Variants in PRKRIP1 observed in about 807,000 individuals in gnomAD.
PRKRIP1 encodes PRKR-interacting protein 1.
PRKRIP1 carries 29 observed loss-of-function variants against 29.3 expected under a neutral mutation model. The observed-to-expected ratio is 0.99, with a 90% CI of 0.74 to 1.35. The LOEUF is 1.35. Ranked by LOEUF, PRKRIP1 falls within the 40% of genes most tolerant of loss-of-function variation. The probability of loss-of-function intolerance (pLI) is 0.00; values close to 1 mark genes in which losing one functional copy is unlikely to be tolerated. For synonymous variants in PRKRIP1, 90 were observed against 85.1 expected (o/e 1.06, Z -0.32); for missense variants, 247 against 236.8 (o/e 1.04, Z -0.28).
At chr7:102,403,419 C>G (rs1554571424) in intron 3 of PRKRIP1, among the ~76,000 whole-genome samples, 2 of 152,174 alleles carry the variant, frequency 1.3e-5, no homozygotes, top group African/African-American at 2.4e-5. Flanking sequence ...TTATTTTTTG[C>G]TCCATTGACC....
At position 102,396,391 on chromosome 7, in the gene PRKRIP1, T is replaced by C. The variant is rs1795894958; in HGVS notation, c.-21T>C. The C allele has an allele frequency of 2.6e-6, 4 of 1,529,614 alleles. No individual in the cohort carries two copies. The highest frequency in any genetic ancestry group is 2.4e-5 in the East Asian group (1 of 41,412). 94.8% of individuals were successfully genotyped at this position (1,529,614 alleles called of 1,614,324 possible). A position where few individuals can be genotyped will look rare whatever the true frequency, so the allele number is the denominator to read the frequency against. On this transcript the variant is annotated 5_prime_UTR_variant, in exon 1 of 6. Coordinates refer to ENST00000397912, the MANE Select transcript of PRKRIP1 (RefSeq NM_024653.4). ...CTTGCGCGCCGACGCCGCCGCTCGC[T>C]TGTGAAACTGGAAGGCTGCCATGGC...
chr7:102,415,852 C>G (rs1292146061), intron 5 of PRKRIP1, among the ~76,000 whole-genome samples: 1 of 152,240 alleles, frequency 6.6e-6, no homozygotes, highest in Non-Finnish European at 1.5e-5. Context: ...GTCAGCAGCC[C>G]CAGTGTTCCT....
intron 5 of PRKRIP1, among the ~76,000 whole-genome samples, chr7:102,415,780 C>T (rs2133195194): frequency 6.6e-6 from 1 of 152,362 alleles, no homozygotes; most frequent in East Asian, 1.9e-4. Context: ...ATGTGGGCAG[C>T]AGGCCAGGGT....
At chr7:102,405,898 CGGGATTTGAAGAAGTCTT>C (rs1563615270) in intron 4 of PRKRIP1, 1 of 315,942 alleles carries the variant, frequency 3.2e-6, no homozygotes, top group South Asian at 3.1e-5. Context: ...ATCCATGCTC[CGGGATTTGAAGAAGTCTT>C]GGAAAGCATT....
intron 5 of PRKRIP1, among the ~76,000 whole-genome samples, chr7:102,409,762 T>C (rs1196807277): frequency 6.6e-6 from 1 of 152,026 alleles, no homozygotes; most frequent in Non-Finnish European, 1.5e-5. Context: ...AGGTCAAGGC[T>C]GCAGTGAGCC....
chr7:102,413,846 G>C (rs1434541075), intron 5 of PRKRIP1, among the ~76,000 whole-genome samples: 1 of 152,148 alleles, frequency 6.6e-6, no homozygotes, highest in African/African-American at 2.4e-5. Context: ...GTTGCAGTCA[G>C]TGGCATTTTA....
chr7:102,403,278 G>A (rs1266305920), intron 3 of PRKRIP1, among the ~76,000 whole-genome samples: 1 of 152,196 alleles, frequency 6.6e-6, no homozygotes, highest in Non-Finnish European at 1.5e-5. Context: ...CTTCCTGAAG[G>A]AATATTTTCT....
In PRKRIP1 at chr7:102,407,406, A is replaced by C. The variant is rs201385162; in HGVS notation, c.393-28A>C. On this transcript the variant is annotated intron_variant, in intron 4 of 5. Coordinates refer to ENST00000397912, the MANE Select transcript of PRKRIP1 (RefSeq NM_024653.4). ...AAATATACCATAATGTAGTTAAGGA[A>C]TCAATGTATATGGTTTTACATTTTT... 2.1e-6 allele frequency: 3 copies of C among 1,427,448 alleles called. No individual in the cohort carries two copies. The East Asian group carries it at 6.8e-5, about 32-fold the overall frequency. 88.4% of individuals were successfully genotyped at this position (1,427,448 alleles called of 1,614,324 possible). A position where few individuals can be genotyped will look rare whatever the true frequency, so the allele number is the denominator to read the frequency against.
intron 2 of PRKRIP1, 22 bp downstream of exon 2, chr7:102,397,720 G>A (rs781952511): frequency 2.7e-5 from 43 of 1,585,910 alleles, no homozygotes; most frequent in Non-Finnish European, 3.5e-5. Flanking sequence ...GTGTGTGTGT[G>A]TGTGTGTGTG....
intron 3 of PRKRIP1, among the ~76,000 whole-genome samples, chr7:102,403,761 G>A (rs1586677911): frequency 6.6e-6 from 1 of 152,340 alleles, no homozygotes; most frequent in East Asian, 1.9e-4. Flanking sequence ...CTGAGGCTTG[G>A]AGACAGAACT....
intron 5 of PRKRIP1, among the ~76,000 whole-genome samples, chr7:102,409,504 C>T (rs189016542): frequency 2.6e-4 from 39 of 152,152 alleles, no homozygotes; most frequent in Non-Finnish European, 4.9e-4. Flanking sequence ...GCCTGGGCAG[C>T]ATAGTAAGAC....
chr7:102,400,015 AAGAG>A (rs1343021261), intron 3 of PRKRIP1, among the ~76,000 whole-genome samples: 11 of 151,372 alleles, frequency 7.3e-5, no homozygotes, highest in South Asian at 2.1e-4. Flanking sequence ...AAAAAAAAAA[AAGAG>A]AGAAAAGAAA....
intron 4 of PRKRIP1, among the ~76,000 whole-genome samples, chr7:102,406,047 G>T (rs1796210352): frequency 6.6e-6 from 1 of 152,168 alleles, no homozygotes. Context: ...ACACATCGCA[G>T]CCCAATTTGT....
intron 5 of PRKRIP1, among the ~76,000 whole-genome samples, chr7:102,417,381 G>A (rs1242614955): frequency 6.6e-6 from 1 of 152,148 alleles, no homozygotes; most frequent in Non-Finnish European, 1.5e-5. Context: ...TGACAGTGGA[G>A]AATCTACATG....
intron 5 of PRKRIP1, among the ~76,000 whole-genome samples, chr7:102,408,113 T>C (rs1212601450): frequency 1.3e-5 from 2 of 152,164 alleles, no homozygotes; most frequent in African/African-American, 4.8e-5. Context: ...GCACGTTCCC[T>C]GGCCTTTACC....
At chr7:102,413,454 A>T (rs1350621933) in intron 5 of PRKRIP1, among the ~76,000 whole-genome samples, 1 of 152,240 alleles carries the variant, frequency 6.6e-6, no homozygotes, top group Non-Finnish European at 1.5e-5. Flanking sequence ...AATATGCAGA[A>T]AAGAACAACA....
At chr7:102,407,044 G>A (rs1796247065) in intron 4 of PRKRIP1, among the ~76,000 whole-genome samples, 1 of 151,942 alleles carries the variant, frequency 6.6e-6, no homozygotes, top group Non-Finnish European at 1.5e-5. Flanking sequence ...GAAACCCCAT[G>A]TCTATTGAAA....
chr7:102,424,784 T>C (rs1796790843), intron 5 of PRKRIP1, among the ~76,000 whole-genome samples: 2 of 152,028 alleles, frequency 1.3e-5, no homozygotes, highest in African/African-American at 4.8e-5. Context: ...TCTGGGCCTT[T>C]GGGTAAAGAT....
At chr7:102,397,740 A>G (rs145003910) in intron 2 of PRKRIP1, 42 bp downstream of exon 2, 1 of 1,564,716 alleles carries the variant, frequency 6.4e-7, no homozygotes, top group Non-Finnish European at 8.8e-7. Flanking sequence ...GTGTGTGTAA[A>G]TATAATTTTT....
Sources: allele counts gnomAD v4.1 joint callset (sites outside exome capture counted in the v4.1 genomes callset), GRCh38; gene constraint gnomAD v4.1.1; transcripts MANE v1.5; gene names NCBI Gene and HGNC (gene_info 2026-07-23, HGNC 2026-07-21).